Variants in ZBTB16 observed in about 807,000 individuals in gnomAD.
ZBTB16 encodes the protein zinc finger and BTB domain containing 16.
ZBTB16 carries 8 observed loss-of-function variants against 56.8 expected under a neutral mutation model. The observed-to-expected ratio is 0.14, with a 90% confidence interval of 0.08 to 0.25. ZBTB16 has a LOEUF of 0.25. Among genes scored for constraint, ZBTB16 ranks in the 10% least tolerant of loss-of-function variants. The pLI, the probability that ZBTB16 is intolerant of heterozygous loss-of-function variation, is 1.00. For missense variants in ZBTB16, 625 were observed against 903.0 expected (o/e 0.69, Z 3.95); for synonymous variants, 363 against 368.5 (o/e 0.98, Z 0.17).
intron 2 of ZBTB16, among the ~76,000 whole-genome samples, chr11:114,122,086 A>G (rs540834555): frequency 2.0e-5 from 3 of 152,304 alleles, no homozygotes; most frequent in Non-Finnish European, 2.9e-5. Context: ...TGTGCCTGGT[A>G]TGGTTGGCAG....
chr11:114,247,104 G>A (rs1267660494), intron 5 of ZBTB16, 94 bp from the exon 6 acceptor site: 81 of 1,566,532 alleles, frequency 5.2e-5, no homozygotes, highest in South Asian at 7.8e-5. Context: ...AATACAGGCC[G>A]TCGCATCCTT....
At chr11:114,102,626 G>A (rs1437658371) in intron 2 of ZBTB16, among the ~76,000 whole-genome samples, 1 of 151,666 alleles carries the variant, frequency 6.6e-6, no homozygotes, top group Non-Finnish European at 1.5e-5. Flanking sequence ...GTGTTTCTGG[G>A]ATGATTTTAG....
intron 2 of ZBTB16, among the ~76,000 whole-genome samples, chr11:114,068,780 A>C (rs186934287): frequency 6.6e-6 from 1 of 152,224 alleles, no homozygotes; most frequent in Non-Finnish European, 1.5e-5. Flanking sequence ...GCAGTTCTGC[A>C]TGTAGGCTTC....
intron 3 of ZBTB16, among the ~76,000 whole-genome samples, chr11:114,184,577 C>G (rs1489337324): frequency 6.6e-6 from 1 of 152,194 alleles, no homozygotes; most frequent in Non-Finnish European, 1.5e-5. Flanking sequence ...AATCAGGCTG[C>G]CTGTGTTTGA....
intron 3 of ZBTB16, among the ~76,000 whole-genome samples, chr11:114,158,404 T>G (rs1942483378): frequency 6.6e-6 from 1 of 152,224 alleles, no homozygotes; most frequent in Non-Finnish European, 1.5e-5. Flanking sequence ...TGCCCCATTC[T>G]GTCTACTTGG....
Position 114,064,580 on chromosome 11 carries a change from T to C in ZBTB16, c.1268+12T>C. ...GTGGAGCAGCACAGGTAGGCCCCGC[T>C]CCAGCCCCGCACCTGATGTAGGACT... is the stretch of plus-strand genomic sequence containing the variant. On this transcript the variant is annotated intron_variant, in intron 2 of 6. Transcript: ENST00000335953. This position sits in a 1 kb window ranked among gnomAD's most constrained non-coding sequence, Gnocchi z 4.2. 4 of 1,613,104 alleles carry C rather than the reference T, an allele frequency of 2.5e-6. No homozygotes were observed. The highest frequency in any genetic ancestry group is 3.4e-6 in the Non-Finnish European group (4 of 1,179,968).
At position 114,096,208 on chromosome 11, in the gene ZBTB16, C is replaced by T. The variant is rs374208492; in HGVS notation, c.1268+31640C>T. Among the ~76,000 whole-genome samples, 150 of 152,264 alleles carry T rather than the reference C, an allele frequency of 9.9e-4. 3 individuals carry two copies. In the South Asian group the frequency reaches 0.031, roughly 31 times the overall value. ...TAAAATTGCCTTTTCCCTTGTCGCT[C>T]GTTTTTATCTCCAGTTGAGCTTCTG... On this transcript the variant is annotated intron_variant, in intron 2 of 6. Coordinates refer to ENST00000335953, the MANE Select transcript of ZBTB16 (RefSeq NM_006006.6).
chr11:114,152,804 T>C (rs1046444198), intron 2 of ZBTB16, among the ~76,000 whole-genome samples: 1 of 152,230 alleles, frequency 6.6e-6, no homozygotes, highest in African/African-American at 2.4e-5. Flanking sequence ...CCAGATGTCT[T>C]CCTTCCTTTC....
intron 4 of ZBTB16, among the ~76,000 whole-genome samples, chr11:114,213,743 C>A (rs1214134497): frequency 6.6e-6 from 1 of 152,212 alleles, no homozygotes; most frequent in Non-Finnish European, 1.5e-5. Flanking sequence ...TTAAACACGT[C>A]ATCTCTTTGA....
At chr11:114,177,889 A>T (rs900497461) in intron 3 of ZBTB16, among the ~76,000 whole-genome samples, 2 of 152,196 alleles carry the variant, frequency 1.3e-5, no homozygotes, top group African/African-American at 4.8e-5. Context: ...CTGTATTTTT[A>T]AAAAATCTGC....
At chr11:114,075,483 G>C (rs1939520317) in intron 2 of ZBTB16, among the ~76,000 whole-genome samples, 1 of 151,732 alleles carries the variant, frequency 6.6e-6, no homozygotes, top group South Asian at 2.1e-4. Context: ...TTGAGACAGA[G>C]TCCTACTTTG....
chr11:114,233,469 TG>T (rs1944500799), intron 4 of ZBTB16, among the ~76,000 whole-genome samples: 1 of 152,024 alleles, frequency 6.6e-6, no homozygotes, highest in South Asian at 2.1e-4. Context: ...CAGAGGCCCC[TG>T]CACCCTAGAA....
chr11:114,228,558 C>CT (rs1944375581), intron 4 of ZBTB16, among the ~76,000 whole-genome samples: 1 of 152,234 alleles, frequency 6.6e-6, no homozygotes, highest in African/African-American at 2.4e-5. Flanking sequence ...GGTTAAGAAG[C>CT]CGTGCCTAGA....
At chr11:114,188,121 G>A (rs890241290) in intron 4 of ZBTB16, 1 of 152,506 alleles carries the variant, frequency 6.6e-6, no homozygotes, top group African/African-American at 2.4e-5. Context: ...ATCATCCCAG[G>A]ACCACCCTCC....
chr11:114,079,913 C>A (rs1216625513), intron 2 of ZBTB16, among the ~76,000 whole-genome samples: 3 of 152,110 alleles, frequency 2.0e-5, no homozygotes, highest in Non-Finnish European at 4.4e-5. Context: ...TGGGAAGACT[C>A]CTTTTAACTG....
At chr11:114,223,590 C>T (rs1944278970) in intron 4 of ZBTB16, among the ~76,000 whole-genome samples, 2 of 151,850 alleles carry the variant, frequency 1.3e-5, no homozygotes, top group African/African-American at 4.8e-5. Context: ...TATTGAACAC[C>T]CATTCTTACT....
chr11:114,136,823 G>T (rs1156496017), intron 2 of ZBTB16, among the ~76,000 whole-genome samples: 1 of 152,152 alleles, frequency 6.6e-6, no homozygotes, highest in Non-Finnish European at 1.5e-5. Flanking sequence ...AGTTTTAACT[G>T]CAGGGCATTA....
rs1238134647 is a variant in ZBTB16 at position 114,064,092 on chromosome 11, C to A, written c.792C>A (p.Ile264=). Residue 264 remains isoleucine, a synonymous_variant, in exon 2 of 7, where the codon ATC becomes ATA. Transcript: ENST00000335953. This position sits in a 1 kb window ranked among gnomAD's most constrained non-coding sequence, Gnocchi z 4.2. Reference sequence around the variant, plus strand: ...GCCCTGGGGCAGCCGAGTCCAGCATCTCAGGAGGGATGGGGGACAAGGTTG... The same window carrying A: ...GCCCTGGGGCAGCCGAGTCCAGCATATCAGGAGGGATGGGGGACAAGGTTG... ...QDSPGAAESS[I]SGGMGDKVEE... is the part of the protein sequence containing the mutation. 1 of 1,613,872 alleles carries A rather than the reference C, an allele frequency of 6.2e-7. No homozygotes were observed. The highest frequency in any genetic ancestry group is 8.5e-7 in the Non-Finnish European group (1 of 1,179,982).
intron 2 of ZBTB16, among the ~76,000 whole-genome samples, chr11:114,076,286 T>G (rs1349874177): frequency 6.6e-6 from 1 of 152,140 alleles, no homozygotes; most frequent in Non-Finnish European, 1.5e-5. Flanking sequence ...CGGGGCTGAT[T>G]GCAAAGCCGA....
Sources: allele counts gnomAD v4.1 joint callset (sites outside exome capture counted in the v4.1 genomes callset), GRCh38; gene constraint gnomAD v4.1.1; non-coding constraint Gnocchi (gnomAD v3.1); transcripts MANE v1.5; gene names NCBI Gene and HGNC (gene_info 2026-07-23, HGNC 2026-07-21).